Variants in RORB observed in about 807,000 individuals in gnomAD.
RORB encodes the protein nuclear receptor ROR-beta.
RORB carries 6 observed loss-of-function variants against 59.1 expected under a neutral mutation model. That is an observed-to-expected ratio of 0.10 (90% CI 0.06 to 0.20). The LOEUF (loss-of-function observed/expected upper bound fraction) is 0.20, where lower values mean the gene tolerates loss of function less well. Among genes scored for constraint, RORB ranks in the 10% least tolerant of loss-of-function variants. RORB has a pLI of 1.00. For synonymous variants in RORB, 215 were observed against 204.5 expected, an observed-to-expected ratio of 1.05 and a Z score of -0.44; for missense variants, 320 against 560.5, an observed-to-expected ratio of 0.57 and a Z score of 4.33.
At chr9:74,535,907 T>C (rs1826315880) in intron 1 of RORB, among the ~76,000 whole-genome samples, 1 of 151,812 alleles carries the variant, frequency 6.6e-6, no homozygotes, top group African/African-American at 2.4e-5. Flanking sequence ...GATTTTAGGG[T>C]TGTTGTTGTT....
At chr9:74,636,878 T>A (rs572090434) in intron 3 of RORB, among the ~76,000 whole-genome samples, 19 of 152,134 alleles carry the variant, frequency 1.2e-4, no homozygotes, top group Non-Finnish European at 2.6e-4. Context: ...GAAAGTTTGG[T>A]CTGAACCTTG....
intron 1 of RORB, among the ~76,000 whole-genome samples, chr9:74,599,602 T>C (rs914389285): frequency 1.3e-5 from 2 of 152,230 alleles, no homozygotes; most frequent in Admixed American, 1.3e-4. Flanking sequence ...GCTTTGTGAA[T>C]GCTAAAATGT....
intron 5 of RORB, among the ~76,000 whole-genome samples, chr9:74,662,234 T>C (rs1435039423): frequency 6.6e-6 from 1 of 152,174 alleles, no homozygotes; most frequent in Non-Finnish European, 1.5e-5. Flanking sequence ...CTATAAACAA[T>C]GTTGCTATTA....
intron 1 of RORB, among the ~76,000 whole-genome samples, chr9:74,583,704 T>C (rs751454913): frequency 3.1e-4 from 47 of 152,164 alleles, no homozygotes; most frequent in Non-Finnish European, 5.7e-4. Flanking sequence ...GAACTCAGGC[T>C]GTAGTGAGGA....
chr9:74,649,882 C>T (rs1007722386), intron 4 of RORB, among the ~76,000 whole-genome samples: 2 of 152,134 alleles, frequency 1.3e-5, no homozygotes, highest in African/African-American at 4.8e-5. Flanking sequence ...ATCTAAAGCA[C>T]CGTTTTTATT....
At chr9:74,627,094 G>A (rs1477755463) in intron 1 of RORB, among the ~76,000 whole-genome samples, 7 of 151,298 alleles carry the variant, frequency 4.6e-5, no homozygotes, top group Non-Finnish European at 5.9e-5. Context: ...CAGGGGAGGC[G>A]GAGGTTGCAG....
intron 8 of RORB, among the ~76,000 whole-genome samples, chr9:74,670,229 T>A (rs1824326075): frequency 6.6e-6 from 1 of 152,214 alleles, no homozygotes; most frequent in African/African-American, 2.4e-5. Flanking sequence ...TGAGAATAGT[T>A]CAATAGAAAA....
intron 4 of RORB, among the ~76,000 whole-genome samples, chr9:74,659,428 A>G (rs893125328): frequency 3.9e-5 from 6 of 152,208 alleles, no homozygotes; most frequent in Non-Finnish European, 8.8e-5. Context: ...AGCAGGTGGG[A>G]TTACAAGGGA....
chr9:74,684,948 G>T (rs899115711), intron 9 of RORB, among the ~76,000 whole-genome samples: 12 of 152,132 alleles, frequency 7.9e-5, no homozygotes, highest in African/African-American at 2.9e-4. Context: ...GAAATTATGG[G>T]TAATAACAGT....
intron 1 of RORB, among the ~76,000 whole-genome samples, chr9:74,603,520 C>T (rs1339975300): frequency 6.6e-6 from 1 of 152,204 alleles, no homozygotes; most frequent in Non-Finnish European, 1.5e-5. Context: ...GATTCAGTCT[C>T]AGTCCACTGG....
rs141013036 is a variant in RORB, at chr9:74,608,326, G to C, written c.8-21956G>C. Among the ~76,000 whole-genome samples, 959 of 152,186 alleles carry C rather than the reference G, an allele frequency of 6.3e-3. 9 individuals carry two copies. Among genetic ancestry groups the C allele is most frequent in the African/African-American group, 0.022 (905 of 41,520 alleles). ...CACGCCTGTAATCCCAGCACTTTGGGAGGCCGAGGCGGGCGGATCATGAGG... is the reference window on the plus strand; with the variant it reads ...CACGCCTGTAATCCCAGCACTTTGGCAGGCCGAGGCGGGCGGATCATGAGG... On this transcript the variant is annotated intron_variant, in intron 1 of 9. Coordinates refer to ENST00000376896, the MANE Select transcript of RORB (RefSeq NM_006914.4).
chr9:74,577,461 A>G lies in RORB; in HGVS notation c.8-52821A>G, dbSNP rs146924095. 8.1e-3 allele frequency among the ~76,000 whole-genome samples: 1,234 copies of G among 152,266 alleles called. 10 individuals are homozygous for G. The highest frequency in any genetic ancestry group is 0.013 in the Non-Finnish European group (898 of 67,996). ...AGGGAGCACTGTCAGGCATCACAGT[A>G]CATGACTCTTCAAATGGAAAGTACC... On this transcript the variant is annotated intron_variant, in intron 1 of 9. Transcript: ENST00000376896.
Position 74,689,576 on chromosome 9 carries a change from CT to C in RORB, c.*3961del, listed in dbSNP as rs2118592980. 1 of 152,310 alleles carries C rather than the reference CT, an allele frequency of 6.6e-6. No homozygotes were observed. The highest frequency in any genetic ancestry group is 2.1e-4 in the South Asian group (1 of 4,820). 9.4% of individuals were successfully genotyped at this position (152,310 alleles called of 1,614,324 possible). ...AACGATCTCCTGAGTGATTAGATTT[CT>C]TTGGTAGATTCCAAGAGATCTTAAA... On this transcript the variant is annotated 3_prime_UTR_variant, in exon 10 of 10. Coordinates refer to ENST00000376896, the MANE Select transcript of RORB (RefSeq NM_006914.4).
intron 4 of RORB, among the ~76,000 whole-genome samples, chr9:74,657,597 T>G (rs1205209852): frequency 2.0e-5 from 3 of 152,200 alleles, no homozygotes; most frequent in Admixed American, 2.0e-4. Flanking sequence ...CTATGGTTAT[T>G]TTCCTGCCCC....
intron 4 of RORB, among the ~76,000 whole-genome samples, chr9:74,652,392 T>C (rs1269885999): frequency 1.3e-5 from 2 of 152,108 alleles, no homozygotes; most frequent in African/African-American, 4.8e-5. Flanking sequence ...GGGCGACAGA[T>C]CAAGACTCCA....
intron 1 of RORB, among the ~76,000 whole-genome samples, chr9:74,588,147 A>G (rs1048091933): frequency 1.8e-4 from 27 of 152,230 alleles, no homozygotes; most frequent in South Asian, 1.7e-3. Flanking sequence ...TGGCGAGAAG[A>G]GTAGACTAAA....
chr9:74,525,096 C>G (rs1826138876), intron 1 of RORB, among the ~76,000 whole-genome samples: 1 of 151,790 alleles, frequency 6.6e-6, no homozygotes, highest in Admixed American at 6.6e-5. Flanking sequence ...AAAAGATTAA[C>G]CCAAAGCTGT....
chr9:74,597,915 G>A (rs992517877), intron 1 of RORB, among the ~76,000 whole-genome samples: 6 of 151,610 alleles, frequency 4.0e-5, no homozygotes, highest in Admixed American at 1.3e-4. Flanking sequence ...CCGAGATCGC[G>A]CCATTGCACT....
At chr9:74,543,841 G>T (rs1258918612) in intron 1 of RORB, among the ~76,000 whole-genome samples, 1 of 152,074 alleles carries the variant, frequency 6.6e-6, no homozygotes, top group Non-Finnish European at 1.5e-5. Flanking sequence ...GAGCCTAGGA[G>T]GAAATTACTG....
Sources: allele counts gnomAD v4.1 joint callset (sites outside exome capture counted in the v4.1 genomes callset), GRCh38; gene constraint gnomAD v4.1.1; transcripts MANE v1.5; gene names NCBI Gene and HGNC (gene_info 2026-07-23, HGNC 2026-07-21).